Variants in DLGAP2 observed in about 807,000 individuals in gnomAD.
DLGAP2 encodes the protein disks large-associated protein 2.
DLGAP2 carries 26 observed loss-of-function variants against 100.3 expected under a neutral mutation model. The observed-to-expected ratio is 0.26, with a 90% CI of 0.19 to 0.36. The LOEUF is 0.36. DLGAP2 is among the 10% of genes least tolerant of loss of function. The probability of loss-of-function intolerance (pLI) is 1.00; values close to 1 mark genes in which losing one functional copy is unlikely to be tolerated. For synonymous variants in DLGAP2, 886 were observed against 630.1 expected, an observed-to-expected ratio of 1.41 and a Z score of -6.08; for missense variants, 1,858 against 1,453.2, an observed-to-expected ratio of 1.28 and a Z score of -4.53.
intron 7 of DLGAP2, 60 bp from the exon 8 acceptor site, chr8:1,632,767 C>T: frequency 6.6e-7 from 1 of 1,513,436 alleles, no homozygotes; most frequent in South Asian, 1.3e-5. Context: ...CCTGGCTTTT[C>T]TGTAACGTGA....
In DLGAP2 at chr8:885,762, C is replaced by T. The variant is rs538016847; in HGVS notation, c.19-22150C>T. On this transcript the variant is annotated intron_variant, in intron 1 of 14. Transcript: ENST00000637795. ...AATATGATATTGGCTGTGGGTTTGT[C>T]GTAAATAGCTCATTATTTTGAGATA... Among the ~76,000 whole-genome samples, 84 of 152,196 alleles carry T rather than the reference C, an allele frequency of 5.5e-4. 1 individual carries two copies. The highest frequency in any genetic ancestry group is 2.1e-4 in the South Asian group (1 of 4,822).
At chr8:1,592,039 C>T (rs1459293350) in intron 6 of DLGAP2, among the ~76,000 whole-genome samples, 2 of 152,158 alleles carry the variant, frequency 1.3e-5, no homozygotes, top group African/African-American at 2.4e-5. Flanking sequence ...GGAGCTGGGG[C>T]AGTGAGTATC....
chr8:1,048,229 G>A (rs1006991702), intron 2 of DLGAP2, among the ~76,000 whole-genome samples: 5 of 152,250 alleles, frequency 3.3e-5, no homozygotes, highest in East Asian at 3.9e-4. Flanking sequence ...AACTGTGCCC[G>A]GCGCGTGTTC....
At chr8:1,672,406 T>G (rs1242410443) in intron 10 of DLGAP2, among the ~76,000 whole-genome samples, 1 of 152,052 alleles carries the variant, frequency 6.6e-6, no homozygotes, top group East Asian at 1.9e-4. Context: ...TTTTGTATTT[T>G]TAGTAGAGAT....
chr8:1,597,508 T>A (rs1420059982), intron 6 of DLGAP2, among the ~76,000 whole-genome samples: 2 of 152,178 alleles, frequency 1.3e-5, no homozygotes, highest in Non-Finnish European at 2.9e-5. Flanking sequence ...GATCATGGAA[T>A]GTTTTTCCAT....
chr8:1,303,602 G>A (rs1015745218), intron 3 of DLGAP2, among the ~76,000 whole-genome samples: 2 of 151,956 alleles, frequency 1.3e-5, no homozygotes, highest in African/African-American at 4.8e-5. Flanking sequence ...CTCTCTTAAC[G>A]GAGAATCAGT....
intron 2 of DLGAP2, among the ~76,000 whole-genome samples, chr8:935,013 G>C (rs933783879): frequency 6.6e-6 from 1 of 152,060 alleles, no homozygotes; most frequent in Non-Finnish European, 1.5e-5. Flanking sequence ...TGTATTACTC[G>C]GCTTCCGTTG....
rs201344779 is a variant in DLGAP2, at chr8:1,626,736, G to A, written c.1443-4G>A. ...TGCCTTTTCTCCTTTCTTCTTTCCTGTAGCCAGACCTACCTGCAAGCTGCA... is the reference window on the plus strand; with the variant it reads ...TGCCTTTTCTCCTTTCTTCTTTCCTATAGCCAGACCTACCTGCAAGCTGCA... On this transcript the variant is annotated splice_polypyrimidine_tract_variant and splice_region_variant and intron_variant, in intron 6 of 14. Coordinates refer to ENST00000637795, the MANE Select transcript of DLGAP2 (RefSeq NM_001346810.2). 1.1e-4 allele frequency: 181 copies of A among 1,595,612 alleles called. No homozygotes were observed. Among genetic ancestry groups the A allele is most frequent in the Non-Finnish European group, 1.1e-4 (124 of 1,171,342 alleles).
chr8:1,640,444 A>C (rs2130792650), intron 8 of DLGAP2, among the ~76,000 whole-genome samples: 1 of 152,278 alleles, frequency 6.6e-6, no homozygotes, highest in East Asian at 1.9e-4. Context: ...GGCAACAACG[A>C]TATCGTGCGG....
intron 2 of DLGAP2, among the ~76,000 whole-genome samples, chr8:973,347 C>T (rs1381151686): frequency 2.9e-4 from 44 of 152,080 alleles, no homozygotes; most frequent in Non-Finnish European, 4.7e-4. Context: ...ACGCTCCTCA[C>T]TTCCCAGACG....
At chr8:1,202,611 G>T (rs11136360) in intron 2 of DLGAP2, among the ~76,000 whole-genome samples, 28,738 of 152,148 alleles carry the variant, frequency 0.19, 2,958 homozygotes, top group East Asian at 0.38. Flanking sequence ...CGTAACACGG[G>T]ACAGTCACAG....
At chr8:856,043 G>A (rs1420613268) in intron 1 of DLGAP2, among the ~76,000 whole-genome samples, 2 of 152,006 alleles carry the variant, frequency 1.3e-5, no homozygotes, top group African/African-American at 2.4e-5. Context: ...GGAAGTCCCA[G>A]CTAATGCAAT....
At chr8:1,363,222 C>G (rs75703436) in intron 3 of DLGAP2, among the ~76,000 whole-genome samples, 2 of 152,222 alleles carry the variant, frequency 1.3e-5, no homozygotes, top group African/African-American at 2.4e-5. Context: ...GAGATTCACA[C>G]GAAGGTACGG....
At chr8:1,179,368 C>T (rs1797331524) in intron 2 of DLGAP2, among the ~76,000 whole-genome samples, 1 of 152,196 alleles carries the variant, frequency 6.6e-6, no homozygotes, top group African/African-American at 2.4e-5. Flanking sequence ...GGAGGGAGTG[C>T]TTCGCTGGGG....
chr8:1,286,691 A>G (rs759516676), intron 3 of DLGAP2, among the ~76,000 whole-genome samples: 1 of 152,162 alleles, frequency 6.6e-6, no homozygotes, highest in African/African-American at 2.4e-5. Context: ...GAACAGTAAC[A>G]TATCTCCAAG....
intron 1 of DLGAP2, among the ~76,000 whole-genome samples, chr8:870,292 T>C (rs938320937): frequency 6.6e-5 from 10 of 152,228 alleles, no homozygotes; most frequent in African/African-American, 2.4e-4. Flanking sequence ...ATGATGCTTA[T>C]AAACCTCTGT....
chr8:1,618,427 T>C (rs1436867318), intron 6 of DLGAP2, among the ~76,000 whole-genome samples: 1 of 152,160 alleles, frequency 6.6e-6, no homozygotes, highest in Non-Finnish European at 1.5e-5. Context: ...CTGTGATGCA[T>C]TGGAAGTCTC....
intron 3 of DLGAP2, among the ~76,000 whole-genome samples, chr8:1,338,670 A>C (rs551525548): frequency 1.3e-5 from 2 of 152,236 alleles, no homozygotes; most frequent in African/African-American, 4.8e-5. Context: ...CAAACCAAAA[A>C]CTAAAGACAC....
At position 1,546,941 on chromosome 8, in the gene DLGAP2, G is replaced by A. The variant is rs3812481; in HGVS notation, c.173-1685G>A. Among the ~76,000 whole-genome samples, 16 of 152,258 alleles carry A rather than the reference G, an allele frequency of 1.1e-4. No homozygotes were observed. In the East Asian group the frequency reaches 2.5e-3, roughly 24 times the overall value. On this transcript the variant is annotated intron_variant, in intron 4 of 14. Coordinates refer to ENST00000637795, the MANE Select transcript of DLGAP2 (RefSeq NM_001346810.2). Reference sequence around the variant, plus strand: ...GGGATAGTTCCCTTCCTGAGGAGACGGCCACGCTCAGCCGTCGAGGTGGCC... The same window carrying A: ...GGGATAGTTCCCTTCCTGAGGAGACAGCCACGCTCAGCCGTCGAGGTGGCC...
Sources: gnomAD v4.1 joint callset for allele counts (sites outside exome capture counted in the v4.1 genomes callset) on GRCh38, gnomAD v4.1.1 for gene constraint, MANE v1.5 for transcripts, NCBI Gene and HGNC (gene_info 2026-07-23, HGNC 2026-07-21) for gene names.